RNGTT: variants seen among roughly 807,000 people sequenced by gnomAD.
RNGTT encodes mRNA-capping enzyme.
A neutral mutation model predicts 79.3 loss-of-function variants in RNGTT; 33 were observed. The ratio of observed to expected loss-of-function variants is 0.42; its 90% CI spans 0.32 to 0.56. The LOEUF is 0.56. Ranked by LOEUF, RNGTT falls within the 20% of genes least tolerant of loss-of-function variation. RNGTT has a pLI of 0.17. For missense variants in RNGTT, 497 were observed against 739.1 expected (o/e 0.67, Z 3.80); for synonymous variants, 222 against 235.9 (o/e 0.94, Z 0.54).
intron 11 of RNGTT, among the ~76,000 whole-genome samples, chr6:88,833,960 G>A (rs1024510770): frequency 2.0e-5 from 3 of 152,168 alleles, no homozygotes; most frequent in Non-Finnish European, 2.9e-5. Flanking sequence ...GGCAGAAGTT[G>A]CAGTGAGCCG....
At chr6:88,805,846 C>G (rs914913639) in intron 11 of RNGTT, among the ~76,000 whole-genome samples, 1 of 152,144 alleles carries the variant, frequency 6.6e-6, no homozygotes, top group African/African-American at 2.4e-5. Flanking sequence ...CTACTGAAAG[C>G]TAAACGTGAA....
At chr6:88,701,195 T>A (rs565501504) in intron 13 of RNGTT, among the ~76,000 whole-genome samples, 2 of 152,022 alleles carry the variant, frequency 1.3e-5, no homozygotes, top group Non-Finnish European at 2.9e-5. Flanking sequence ...CTCACTGATA[T>A]AATTAGCAAA....
intron 1 of RNGTT, among the ~76,000 whole-genome samples, chr6:88,952,241 C>A (rs181634633): frequency 1.3e-5 from 2 of 152,148 alleles, no homozygotes; most frequent in Admixed American, 1.3e-4. Context: ...AACCACCCCC[C>A]ATCCCCTACA....
chr6:88,791,609 G>A (rs1779415073), intron 12 of RNGTT, among the ~76,000 whole-genome samples: 1 of 151,736 alleles, frequency 6.6e-6, no homozygotes, highest in South Asian at 2.1e-4. Flanking sequence ...GCACAATCTC[G>A]GCTCACTGCA....
chr6:88,705,644 T>G lies in RNGTT; in HGVS notation c.1440-27225A>C, dbSNP rs137954631. On this transcript the variant is annotated intron_variant, in intron 13 of 15. Coordinates refer to ENST00000369485, the MANE Select transcript of RNGTT (RefSeq NM_003800.5). ...AAACCAGAGGTATTCATGCAAAATT[T>G]TTAAATGCTGTGGTATTACATCCTT... Among the ~76,000 whole-genome samples the G allele has an allele frequency of 2.3e-4, 35 of 152,244 alleles. No individual in the cohort carries two copies. In the East Asian group the frequency reaches 6.7e-3, roughly 29 times the overall value.
rs1276444689 is a variant in RNGTT at position 88,786,084 on chromosome 6, T to C, written c.1338+15480A>G. On this transcript the variant is annotated intron_variant, in intron 12 of 15. Transcript: ENST00000369485. ...TGGGTACAACAAGAAAAGCCATTTT[T>C]CTAAATATAAAACAAAAATATTTTC... 2.6e-5 allele frequency among the ~76,000 whole-genome samples: 4 copies of C among 152,146 alleles called. No individual in the cohort carries two copies. In the East Asian group the frequency reaches 7.7e-4, roughly 29 times the overall value.
At chr6:88,801,320 T>C (rs1779775222) in intron 12 of RNGTT, among the ~76,000 whole-genome samples, 1 of 152,220 alleles carries the variant, frequency 6.6e-6, no homozygotes, top group African/African-American at 2.4e-5. Flanking sequence ...CGACCAAAAA[T>C]GCTTATTTCT....
chr6:88,739,765 A>ATATATATT (rs1777418578), intron 13 of RNGTT, among the ~76,000 whole-genome samples: 1 of 60,258 alleles, frequency 1.7e-5, no homozygotes, highest in South Asian at 5.4e-4. Context: ...ATATATATAT[A>ATATATATT]TATATATATA....
chr6:88,904,992 C>A (rs1456058856), intron 5 of RNGTT, 37 bp from the exon 6 acceptor site: 31 of 1,603,376 alleles, frequency 1.9e-5, no homozygotes, highest in Non-Finnish European at 2.6e-5. Flanking sequence ...TCCTCGCTAT[C>A]CTCTATTTAT....
intron 13 of RNGTT, among the ~76,000 whole-genome samples, chr6:88,706,192 T>G (rs1776124255): frequency 6.6e-6 from 1 of 152,090 alleles, no homozygotes; most frequent in African/African-American, 2.4e-5. Flanking sequence ...AGAATGAATA[T>G]GCATCAATGA....
At chr6:88,744,594 T>C (rs967579006) in intron 13 of RNGTT, among the ~76,000 whole-genome samples, 10 of 152,076 alleles carry the variant, frequency 6.6e-5, no homozygotes, top group African/African-American at 2.4e-4. Context: ...CAGAAGACAA[T>C]AGAAGAAGAG....
chr6:88,744,441 T>C (rs1777594470), intron 13 of RNGTT, among the ~76,000 whole-genome samples: 1 of 152,088 alleles, frequency 6.6e-6, no homozygotes, highest in Non-Finnish European at 1.5e-5. Flanking sequence ...TTTGTATTTT[T>C]AGTAGAGATG....
rs111360583 is a variant in RNGTT, at chr6:88,614,122, T to A, written c.1630+150A>T. 6.4e-3 allele frequency: 4,669 copies of A among 729,410 alleles called. 148 individuals are homozygous for A. In the African/African-American group the frequency reaches 0.073, roughly 11 times the overall value. 45.2% of individuals were successfully genotyped at this position (729,410 alleles called of 1,614,324 possible). A position where few individuals can be genotyped will look rare whatever the true frequency, so the allele number is the denominator to read the frequency against. On this transcript the variant is annotated intron_variant, in intron 15 of 15. Transcript: ENST00000369485. ...ACAAGCCAACTGGAGCCAAACAGAA[T>A]ACAGACTTGACGTATCTTTCCCATC... is the stretch of plus-strand genomic sequence containing the variant.
Position 88,643,666 on chromosome 6 carries a change from T to C in RNGTT, c.1507-29271A>G, listed in dbSNP as rs562049077. Among the ~76,000 whole-genome samples the C allele has an allele frequency of 2.0e-3, 310 of 152,286 alleles. 2 individuals are homozygous for C. Among genetic ancestry groups the C allele is most frequent in the African/African-American group, 7.3e-3 (303 of 41,562 alleles). On this transcript the variant is annotated intron_variant, in intron 14 of 15. Coordinates refer to ENST00000369485, the MANE Select transcript of RNGTT (RefSeq NM_003800.5). Reference sequence around the variant, plus strand: ...TAACAACCTGTCTCTCAGACCACAGTGCAATCAAACTAGAACTCAGGATTA... The same window carrying C: ...TAACAACCTGTCTCTCAGACCACAGCGCAATCAAACTAGAACTCAGGATTA...
chr6:88,715,371 G>C (rs1393544781), intron 13 of RNGTT, among the ~76,000 whole-genome samples: 2 of 152,018 alleles, frequency 1.3e-5, no homozygotes, highest in Non-Finnish European at 2.9e-5. Flanking sequence ...AATCAATATC[G>C]TGAAAATGGC....
chr6:88,750,964 T>G (rs185853081), intron 13 of RNGTT, among the ~76,000 whole-genome samples: 10 of 152,280 alleles, frequency 6.6e-5, no homozygotes, highest in Non-Finnish European at 1.3e-4. Flanking sequence ...GCCATCCTAG[T>G]CAGGTTTTCA....
chr6:88,787,812 G>A (rs957107094), intron 12 of RNGTT, among the ~76,000 whole-genome samples: 14 of 152,134 alleles, frequency 9.2e-5, no homozygotes, highest in South Asian at 2.1e-4. Context: ...GGAGAAAAAA[G>A]GGAATAATTT....
intron 1 of RNGTT, among the ~76,000 whole-genome samples, chr6:88,954,553 C>G (rs368013719): frequency 6.6e-6 from 1 of 151,942 alleles, no homozygotes; most frequent in East Asian, 1.9e-4. Flanking sequence ...CTTCAATACT[C>G]CACTGACAGC....
chr6:88,910,899 G>A (rs558508972), intron 4 of RNGTT, among the ~76,000 whole-genome samples: 7 of 152,278 alleles, frequency 4.6e-5, no homozygotes, highest in African/African-American at 9.6e-5. Flanking sequence ...CTTCATAAGC[G>A]AAGGAGAAAT....
Sources: allele counts gnomAD v4.1 joint callset (sites outside exome capture counted in the v4.1 genomes callset), GRCh38; gene constraint gnomAD v4.1.1; transcripts MANE v1.5; gene names NCBI Gene and HGNC (gene_info 2026-07-23, HGNC 2026-07-21).